The following MED14 variants were observed in gnomAD, a reference collection of about 807,000 sequenced individuals.
MED14 encodes mediator of RNA polymerase II transcription subunit 14.
Under a neutral mutation model 109.0 loss-of-function variants are expected in MED14, and 8 were observed. The observed-to-expected ratio is 0.07, with a 90% CI of 0.04 to 0.13. The LOEUF (loss-of-function observed/expected upper bound fraction) is 0.13. MED14 is among the 10% of genes least tolerant of loss of function. MED14 has a pLI of 1.00. For synonymous variants in MED14, 399 were observed against 408.7 expected (o/e 0.98, Z 0.29); for missense variants, 711 against 1,142.4 (o/e 0.62, Z 5.44).
At chrX:40,669,758 A>T (rs749654889) in intron 23 of MED14, among the ~76,000 whole-genome samples, 1 of 110,909 alleles carries the variant, frequency 9.0e-6, no homozygotes, top group Non-Finnish European at 1.9e-5. Context: ...GGAAGTTCAG[A>T]CTCCACACAC....
intron 22 of MED14, among the ~76,000 whole-genome samples, chrX:40,674,064 A>T (rs1929828989): frequency 9.0e-6 from 1 of 111,161 alleles, no homozygotes; most frequent in Non-Finnish European, 1.9e-5. Context: ...AAAATGCAAG[A>T]AAGTGGCTTC....
At chrX:40,714,516 G>A (rs1479341463) in intron 4 of MED14, 21 bp downstream of exon 4, 2 of 1,203,542 alleles carry the variant, frequency 1.7e-6, no homozygotes, top group Non-Finnish European at 2.2e-6. Flanking sequence ...TTAGGAACAT[G>A]GGGGCAAGCA....
At chrX:40,717,283 A>G (rs924465557) in intron 3 of MED14, among the ~76,000 whole-genome samples, 5 of 110,330 alleles carry the variant, frequency 4.5e-5, no homozygotes, top group Non-Finnish European at 9.5e-5. Flanking sequence ...ATTGAAAAAA[A>G]AAAGAGTTAA....
intron 1 of MED14, among the ~76,000 whole-genome samples, chrX:40,730,363 C>T (rs1046363093): frequency 3.6e-5 from 4 of 111,513 alleles, no homozygotes; most frequent in African/African-American, 1.3e-4. Context: ...AAATTAAGGC[C>T]CTGTTAGAAG....
chrX:40,711,177 T>A lies in MED14; in HGVS notation c.1014A>T (p.Ser338=). ...RYHAGKCLSL[S]VWNQQVLGRK... is the part of the protein sequence containing the mutation. Reference sequence around the variant, plus strand: ...GAACTGATTTTACTTACTTCCAAACTGAAAGGGAGAGGCACTTTCCAGCAT... The same window carrying A: ...GAACTGATTTTACTTACTTCCAAACAGAAAGGGAGAGGCACTTTCCAGCAT... The change falls in exon 8 of 31, where the codon TCA becomes TCT. Residue 338 remains serine, a synonymous_variant. Coordinates refer to ENST00000324817, the MANE Select transcript of MED14 (RefSeq NM_004229.4). The A allele has an allele frequency of 8.3e-6, 10 of 1,210,392 alleles. No homozygotes were observed. The highest frequency in any genetic ancestry group is 1.1e-5 in the Non-Finnish European group (10 of 894,821).
At chrX:40,680,970 A>G (rs1342228047) in intron 19 of MED14, 60 bp from the exon 20 acceptor site, 2 of 856,500 alleles carry the variant, frequency 2.3e-6, no homozygotes, top group East Asian at 6.6e-5. Context: ...AAGTAGGAGA[A>G]AAAAAAAATG....
intron 12 of MED14, 116 bp from the exon 13 acceptor site, chrX:40,697,299 AACTAATAAAAGG>A (rs1930757161): frequency 2.2e-6 from 1 of 455,378 alleles, no homozygotes; most frequent in Admixed American, 4.1e-5. Flanking sequence ...AATTTAACTG[AACTAATAAAAGG>A]ACACATGGCC....
chrX:40,677,581 T>C (rs1457310907), intron 21 of MED14, among the ~76,000 whole-genome samples: 1 of 110,518 alleles, frequency 9.0e-6, no homozygotes, highest in Non-Finnish European at 1.9e-5. Flanking sequence ...TTTGAAAAAA[T>C]TTTTTAAAGA....
At chrX:40,723,667 GAAAAAAAAAAAA>G (rs56676419) in intron 3 of MED14, among the ~76,000 whole-genome samples, 42 of 17,995 alleles carry the variant, frequency 2.3e-3, no homozygotes, top group East Asian at 3.7e-3. Context: ...CTCCGTCTCA[GAAAAAAAAAAAA>G]AAAAAAAAAA....
chrX:40,726,967 CAA>C, intron 2 of MED14, 116 bp from the exon 3 acceptor site: 1 of 553,751 alleles, frequency 1.8e-6, no homozygotes, highest in Non-Finnish European at 2.9e-6. Context: ...ACAACCACTA[CAA>C]AATGAGCCAC....
rs1470075422 is a variant in MED14, at chrX:40,650,082, C to A, written c.*1724G>T. 2.7e-6 allele frequency: 2 copies of A among 752,223 alleles called. No homozygotes were observed. The highest frequency in any genetic ancestry group is 6.8e-5 in the South Asian group (1 of 14,730). The allele number at this position is 752,223 out of a possible 1,213,427, so 62.0% of individuals were successfully genotyped here. A position where few individuals can be genotyped will look rare whatever the true frequency, so the allele number is the denominator to read the frequency against. ...AGATTTCTACATGAAAGAAAAGATT[C>A]AGCTCCAAATAGAAAAGGGCTGACC... is the stretch of plus-strand genomic sequence containing the variant. On this transcript the variant is annotated 3_prime_UTR_variant, in exon 31 of 31. Coordinates refer to ENST00000324817, the MANE Select transcript of MED14 (RefSeq NM_004229.4).
chrX:40,698,204 CTCTAGTATGTATG>C (rs1930791408), intron 12 of MED14, among the ~76,000 whole-genome samples: 1 of 112,186 alleles, frequency 8.9e-6, no homozygotes, highest in Admixed American at 9.4e-5. Flanking sequence ...AGAATGATTT[CTCTAGTATGTATG>C]TTATTAAAAG....
At position 40,692,065 on chromosome X, in the gene MED14, A is replaced by C. The variant is rs1207355253; in HGVS notation, c.1980+118T>G. 3 of 640,790 alleles carry C rather than the reference A, an allele frequency of 4.7e-6. No individual in the cohort carries two copies. The African/African-American group carries it at 6.7e-5, about 14-fold the overall frequency. The allele number at this position is 640,790 out of a possible 1,213,427, so 52.8% of individuals were successfully genotyped here. On this transcript the variant is annotated intron_variant, in intron 15 of 30. Coordinates refer to ENST00000324817, the MANE Select transcript of MED14 (RefSeq NM_004229.4). Reference sequence around the variant, plus strand: ...ATTGTAACCCTACCACTCCTCCCAAAATGAACAGGATCACAAACATTCTGC... The same window carrying C: ...ATTGTAACCCTACCACTCCTCCCAACATGAACAGGATCACAAACATTCTGC...
chrX:40,724,617 T>A (rs1029607766), intron 3 of MED14, among the ~76,000 whole-genome samples: 5 of 111,657 alleles, frequency 4.5e-5, no homozygotes, highest in African/African-American at 1.6e-4. Flanking sequence ...AATTTAAAAA[T>A]TTATTGTAAT....
intron 6 of MED14, 91 bp from the exon 7 acceptor site, chrX:40,712,384 A>G: frequency 1.8e-6 from 1 of 548,669 alleles, no homozygotes; most frequent in Non-Finnish European, 2.8e-6. Context: ...ATAACAATGA[A>G]TTTTTTTAAA....
chrX:40,690,324 T>C (rs1930452134), intron 15 of MED14, among the ~76,000 whole-genome samples: 1 of 111,707 alleles, frequency 9.0e-6, no homozygotes, highest in Non-Finnish European at 1.9e-5. Flanking sequence ...TCTTTACAAT[T>C]TCACACCTTA....
Position 40,728,629 on chromosome X carries a change from T to G in MED14, c.242+690A>C, listed in dbSNP as rs191058491. On this transcript the variant is annotated intron_variant, in intron 2 of 30. Coordinates refer to ENST00000324817, the MANE Select transcript of MED14 (RefSeq NM_004229.4). ...TACAATTTAAATCTCCATCAAATGA[T>G]TTCTTTGAAACTTTAATTTCGCTTG... 3.6e-4 allele frequency among the ~76,000 whole-genome samples: 40 copies of G among 111,667 alleles called. 2 individuals are homozygous for G. The East Asian group carries it at 0.01, about 29-fold the overall frequency.
rs34609114 is a variant in MED14 at position 40,731,140 on chromosome X, C to CAA, written c.216-1797_216-1796dup. Among the ~76,000 whole-genome samples the CAA allele has an allele frequency of 9.0e-3, 832 of 92,777 alleles. 7 individuals carry two copies. Among genetic ancestry groups the CAA allele is most frequent in the African/African-American group, 0.027 (692 of 25,511 alleles). 80.6% of individuals were successfully genotyped at this position (92,777 alleles called of 115,157 possible). On this transcript the variant is annotated intron_variant, in intron 1 of 30. Transcript: ENST00000324817. ...TGGGTGACAGAGCAAGACCCTGTCT[C>CAA]AAAAAAAAAAAATAAAGAGTAGAAC... is the stretch of plus-strand genomic sequence containing the variant.
At chrX:40,712,111 T>A in intron 7 of MED14, 75 bp downstream of exon 7, 1 of 785,882 alleles carries the variant, frequency 1.3e-6, no homozygotes, top group Non-Finnish European at 1.9e-6. Context: ...AGTTCAAGAC[T>A]AAGGACAAAT....
Sources: gnomAD v4.1 joint callset for allele counts (sites outside exome capture counted in the v4.1 genomes callset) on GRCh38, gnomAD v4.1.1 for gene constraint, MANE v1.5 for transcripts, NCBI Gene and HGNC (gene_info 2026-07-23, HGNC 2026-07-21) for gene names.